The following PRKCB variants were observed in gnomAD, a reference collection of about 807,000 sequenced individuals.
PRKCB encodes the protein protein kinase C beta type.
PRKCB carries 13 observed loss-of-function variants against 81.5 expected under a neutral mutation model. The ratio of observed to expected loss-of-function variants is 0.16; its 90% CI spans 0.10 to 0.25. The LOEUF is 0.25. PRKCB is among the 10% of genes least tolerant of loss of function. The pLI is 1.00. For synonymous variants in PRKCB, 335 were observed against 321.4 expected (o/e 1.04, Z -0.45); for missense variants, 509 against 875.7 (o/e 0.58, Z 5.29).
intron 2 of PRKCB, among the ~76,000 whole-genome samples, chr16:23,858,322 C>CAA (rs1962606944): frequency 6.6e-6 from 1 of 151,190 alleles, no homozygotes. Context: ...TGTCTGTTCA[C>CAA]CAAGGTGAAG....
At chr16:23,991,935 T>C (rs917050371) in intron 3 of PRKCB, among the ~76,000 whole-genome samples, 5 of 152,244 alleles carry the variant, frequency 3.3e-5, no homozygotes, top group Non-Finnish European at 4.4e-5. Context: ...TCCAAACTTA[T>C]ATCCTGAAAT....
chr16:24,047,401 T>C (rs986208960), intron 5 of PRKCB, among the ~76,000 whole-genome samples: 2 of 152,012 alleles, frequency 1.3e-5, no homozygotes, highest in Non-Finnish European at 2.9e-5. Context: ...CATGGAGGCA[T>C]GCACCTGTAG....
chr16:24,215,530 T>G lies in PRKCB; in HGVS notation c.*714T>G, dbSNP rs1313716980. 1 of 985,566 alleles carries G rather than the reference T, an allele frequency of 1.0e-6. No individual in the cohort carries two copies. Among genetic ancestry groups the G allele is most frequent in the African/African-American group, 1.7e-5 (1 of 57,170 alleles). 61.1% of individuals were successfully genotyped at this position (985,566 alleles called of 1,614,324 possible). ...ACTTGAAAAGGGCATTTGGCACCACTCTCTGAAACAACACAGTCACTCTAG... is the reference window on the plus strand; with the variant it reads ...ACTTGAAAAGGGCATTTGGCACCACGCTCTGAAACAACACAGTCACTCTAG... On this transcript the variant is annotated 3_prime_UTR_variant, in exon 17 of 17. Coordinates refer to ENST00000643927, the MANE Select transcript of PRKCB (RefSeq NM_002738.7).
chr16:24,118,816 C>A lies in PRKCB; in HGVS notation c.919-5019C>A, dbSNP rs572625925. ...ATTTGTGCCTCAATTTTAAAATGTTCGCTCTTTGATGCAGTGTGTGCTAGG... is the reference window on the plus strand; with the variant it reads ...ATTTGTGCCTCAATTTTAAAATGTTAGCTCTTTGATGCAGTGTGTGCTAGG... On this transcript the variant is annotated intron_variant, in intron 8 of 16. Coordinates refer to ENST00000643927, the MANE Select transcript of PRKCB (RefSeq NM_002738.7). Among the ~76,000 whole-genome samples, 3 of 152,210 alleles carry A rather than the reference C, an allele frequency of 2.0e-5. No homozygotes were observed. The East Asian group carries it at 5.8e-4, about 29-fold the overall frequency.
rs191841857 is a variant in PRKCB, at chr16:23,837,776, T to G, written c.205+370T>G. 4.2e-3 allele frequency among the ~76,000 whole-genome samples: 647 copies of G among 152,292 alleles called. 4 individuals are homozygous for G. Among genetic ancestry groups the G allele is most frequent in the African/African-American group, 0.015 (616 of 41,550 alleles). On this transcript the variant is annotated intron_variant, in intron 2 of 16. Transcript: ENST00000643927. ...GTTCCCCTTTCTCTGCCCATGTCCC[T>G]TCCTTATCTCACCCAGGGAGGTTCT... is the stretch of plus-strand genomic sequence containing the variant.
In PRKCB at chr16:24,193,728, A is replaced by G. The variant is rs562878588; in HGVS notation, c.1863+2498A>G. On this transcript the variant is annotated intron_variant, in intron 16 of 16. Coordinates refer to ENST00000643927, the MANE Select transcript of PRKCB (RefSeq NM_002738.7). ...GATGCCTACAGAGGCCAAGCAGATA[A>G]TATGAATGAGGGAAGAGGGCTGGTG... Among the ~76,000 whole-genome samples, 3 of 152,216 alleles carry G rather than the reference A, an allele frequency of 2.0e-5. No homozygotes were observed. The South Asian group carries it at 6.2e-4, about 32-fold the overall frequency.
chr16:23,857,615 G>C (rs370947460), intron 2 of PRKCB, among the ~76,000 whole-genome samples: 17 of 152,276 alleles, frequency 1.1e-4, no homozygotes, highest in African/African-American at 3.1e-4. Context: ...AGGGCCATAG[G>C]GGGGCCAGGG....
intron 2 of PRKCB, among the ~76,000 whole-genome samples, chr16:23,917,565 GATT>G (rs1404792142): frequency 1.8e-4 from 28 of 152,358 alleles, no homozygotes; most frequent in African/African-American, 6.3e-4. Flanking sequence ...TGCAGCTCTC[GATT>G]ATGAATGGGA....
intron 5 of PRKCB, among the ~76,000 whole-genome samples, chr16:24,053,782 T>C (rs1965870875): frequency 6.6e-6 from 1 of 152,032 alleles, no homozygotes; most frequent in African/African-American, 2.4e-5. Context: ...TTCGGTGTGC[T>C]TGAAGAAACA....
In PRKCB at chr16:24,113,392, CCTCT is replaced by C. The variant is rs370085492; in HGVS notation, c.918+328_918+331del. ...TCCTTCCTTCCTTCCTGCCTTCCTT[CCTCT>C]CTCTTTCTCTTTCCCTCTCATTCTT... On this transcript the variant is annotated intron_variant, in intron 8 of 16. Transcript: ENST00000643927. Among the ~76,000 whole-genome samples, 50 of 150,986 alleles carry C rather than the reference CCTCT, an allele frequency of 3.3e-4. No individual in the cohort carries two copies. The East Asian group carries it at 8.0e-3, about 24-fold the overall frequency.
intron 10 of PRKCB, among the ~76,000 whole-genome samples, chr16:24,162,264 C>G (rs976299046): frequency 1.3e-5 from 2 of 151,914 alleles, no homozygotes; most frequent in Admixed American, 1.3e-4. Context: ...GTCCTGGTAA[C>G]TCGGGCTCAG....
chr16:23,994,509 C>T (rs544979137), intron 3 of PRKCB, among the ~76,000 whole-genome samples: 8 of 152,226 alleles, frequency 5.3e-5, no homozygotes, highest in Non-Finnish European at 8.8e-5. Context: ...CTTAGAGGGA[C>T]AGCAGAGATC....
intron 7 of PRKCB, among the ~76,000 whole-genome samples, chr16:24,094,532 G>A (rs7201734): frequency 0.048 from 7,284 of 152,258 alleles, 215 homozygotes; most frequent in East Asian, 0.11. Context: ...CTGGGAGGCC[G>A]AGGCAGGTAG....
At position 24,218,248 on chromosome 16, in the gene PRKCB, G is replaced by A. The variant is rs1051672747; in HGVS notation, c.*3432G>A. On this transcript the variant is annotated 3_prime_UTR_variant, in exon 17 of 17. Transcript: ENST00000643927. The stretch of plus-strand genomic sequence containing the variant: ...AAAGGATGCTAAAGTGTGACTTGTG[G>A]GGATTGGGAGAGAGATGCACAGACA... 2.0e-6 allele frequency: 2 copies of A among 985,262 alleles called. No homozygotes were observed. The highest frequency in any genetic ancestry group is 3.5e-5 in the African/African-American group (2 of 57,214). The allele number at this position is 985,262 out of a possible 1,614,324, so 61.0% of individuals were successfully genotyped here. A position where few individuals can be genotyped will look rare whatever the true frequency, so the allele number is the denominator to read the frequency against.
intron 10 of PRKCB, among the ~76,000 whole-genome samples, chr16:24,163,533 G>T (rs1180016656): frequency 6.6e-6 from 1 of 152,228 alleles, no homozygotes; most frequent in Non-Finnish European, 1.5e-5. Flanking sequence ...GAATTCCGAG[G>T]AAGAATAGAG....
intron 5 of PRKCB, among the ~76,000 whole-genome samples, chr16:24,070,696 C>T (rs1024021362): frequency 5.3e-5 from 8 of 152,106 alleles, no homozygotes; most frequent in Non-Finnish European, 1.0e-4. Flanking sequence ...GAAACTGAGG[C>T]TCAGAGAGGT....
chr16:23,836,433 TCC>T, intron 1 of PRKCB, 85 bp downstream of exon 1: 2 of 102,276 alleles, frequency 2.0e-5, no homozygotes, highest in East Asian at 3.5e-4. Flanking sequence ...CTCTGCGCCC[TCC>T]GCGCCCTCCG....
chr16:24,069,483 C>T (rs143430198), intron 5 of PRKCB, among the ~76,000 whole-genome samples: 1 of 152,238 alleles, frequency 6.6e-6, no homozygotes, highest in African/African-American at 2.4e-5. Context: ...TGGCTCATGC[C>T]TGTAATCCCA....
intron 5 of PRKCB, among the ~76,000 whole-genome samples, chr16:24,069,865 G>A (rs1966085732): frequency 6.6e-6 from 1 of 152,152 alleles, no homozygotes; most frequent in South Asian, 2.1e-4. Context: ...ATTCTCTCTG[G>A]GCTGGAGGTC....
Sources: allele counts gnomAD v4.1 joint callset (sites outside exome capture counted in the v4.1 genomes callset), GRCh38; gene constraint gnomAD v4.1.1; transcripts MANE v1.5; gene names NCBI Gene and HGNC (gene_info 2026-07-23, HGNC 2026-07-21).